The following HMGA2 variants were observed in gnomAD, a reference collection of about 807,000 sequenced individuals.
HMGA2 encodes high mobility group AT-hook 2, also known as high mobility group protein HMGI-C.
Under a neutral mutation model 19.1 loss-of-function variants are expected in HMGA2, and 8 were observed. That is an observed-to-expected ratio of 0.42 (90% CI 0.25 to 0.76). The LOEUF is 0.76. HMGA2 is among the 30% of genes least tolerant of loss of function. The pLI is 0.28. For synonymous variants in HMGA2, 60 were observed against 48.8 expected (o/e 1.23, Z -0.96); for missense variants, 109 against 136.3 (o/e 0.80, Z 1.00).
chr12:65,963,223 C>T (rs767097693), intron 4 of HMGA2, 22 bp from the exon 5 acceptor site: 2 of 1,612,654 alleles, frequency 1.2e-6, no homozygotes, highest in Admixed American at 1.7e-5. Flanking sequence ...AGCGTCATGG[C>T]TGTGCCCTTT....
intron 3 of HMGA2, chr12:65,881,733 T>G (rs1873404580): frequency 1.4e-6 from 1 of 702,794 alleles, no homozygotes; most frequent in Admixed American, 2.0e-5. Flanking sequence ...CCGCACACAT[T>G]CCCTCCCAGT....
chr12:65,900,978 T>C (rs1391105673), intron 3 of HMGA2, among the ~76,000 whole-genome samples: 2 of 152,248 alleles, frequency 1.3e-5, no homozygotes, highest in Non-Finnish European at 2.9e-5. Context: ...ACTTTACTAT[T>C]ATTTATGCTC....
chr12:65,826,143 T>A lies in HMGA2; in HGVS notation c.111+762T>A, dbSNP rs573740906. On this transcript the variant is annotated intron_variant, in intron 1 of 4. Coordinates refer to ENST00000403681, the MANE Select transcript of HMGA2 (RefSeq NM_003483.6). ...CAGGGTAGCCAGGGTCGCTTCCTTG[T>A]CAGGGGCCCGGTCCCCCTTTTGCCC... 2.6e-5 allele frequency: 4 copies of A among 152,470 alleles called. No individual in the cohort carries two copies. The East Asian group carries it at 7.8e-4, about 30-fold the overall frequency. 9.4% of individuals were successfully genotyped at this position (152,470 alleles called of 1,614,324 possible). A position where few individuals can be genotyped will look rare whatever the true frequency, so the allele number is the denominator to read the frequency against.
chr12:65,921,020 G>A (rs943076625), intron 3 of HMGA2, among the ~76,000 whole-genome samples: 2 of 152,198 alleles, frequency 1.3e-5, no homozygotes, highest in Non-Finnish European at 2.9e-5. Context: ...TAGTGATATG[G>A]ACAATAAAAT....
Position 65,829,495 on chromosome 12 carries a change from TA to T in HMGA2, c.198+1410del, listed in dbSNP as rs527359909. Among the ~76,000 whole-genome samples, 35 of 152,158 alleles carry T rather than the reference TA, an allele frequency of 2.3e-4. 1 individual carries two copies. In the Middle Eastern group the frequency reaches 0.01, roughly 44 times the overall value. The stretch of plus-strand genomic sequence containing the variant: ...TACCAAGGAGTTTTTCTATGTTGTG[TA>T]AGTGTGGAGTTTACCTAATTTACTT... On this transcript the variant is annotated intron_variant, in intron 2 of 4. Transcript: ENST00000403681.
At chr12:65,915,120 G>A (rs768102001) in intron 3 of HMGA2, 1 of 1,613,728 alleles carries the variant, frequency 6.2e-7, no homozygotes, top group South Asian at 1.1e-5. Context: ...AGTACCAAAA[G>A]GAGTCACTGA....
chr12:65,840,453 T>A (rs1870948273), intron 3 of HMGA2, among the ~76,000 whole-genome samples: 1 of 152,166 alleles, frequency 6.6e-6, no homozygotes, highest in Admixed American at 6.6e-5. Context: ...TGGGCGGATC[T>A]GGGAGTGCGT....
chr12:65,960,498 GTGAGAGC>G (rs1460321963), intron 4 of HMGA2, among the ~76,000 whole-genome samples: 1 of 152,184 alleles, frequency 6.6e-6, no homozygotes, highest in East Asian at 1.9e-4. Context: ...CACTGGGAAG[GTGAGAGC>G]TGAGGTTTGC....
At chr12:65,862,141 G>T (rs1344685294) in intron 3 of HMGA2, among the ~76,000 whole-genome samples, 2 of 152,018 alleles carry the variant, frequency 1.3e-5, no homozygotes, top group South Asian at 4.1e-4. Flanking sequence ...CACCACGCCT[G>T]GCTGTGCAAC....
At chr12:65,918,713 T>C (rs1263535686) in intron 3 of HMGA2, among the ~76,000 whole-genome samples, 1 of 152,060 alleles carries the variant, frequency 6.6e-6, no homozygotes, top group Admixed American at 6.6e-5. Flanking sequence ...GGCTGGAGAG[T>C]CTGAAAATAG....
chr12:65,839,398 G>A (rs544141978), intron 3 of HMGA2, among the ~76,000 whole-genome samples: 1 of 152,046 alleles, frequency 6.6e-6, no homozygotes, highest in Admixed American at 6.5e-5. Context: ...TATACCCAGT[G>A]TTGCATATGA....
chr12:65,898,769 G>T (rs1399068998), intron 3 of HMGA2, among the ~76,000 whole-genome samples: 1 of 152,222 alleles, frequency 6.6e-6, no homozygotes, highest in East Asian at 1.9e-4. Context: ...AGGAGGCCGG[G>T]CGCAGTGGCT....
intron 3 of HMGA2, among the ~76,000 whole-genome samples, chr12:65,905,015 C>T (rs1874527823): frequency 6.6e-6 from 1 of 151,806 alleles, no homozygotes; most frequent in African/African-American, 2.4e-5. Flanking sequence ...GCACTCCAGC[C>T]TGGACAACAG....
chr12:65,830,880 G>C (rs182415247), intron 2 of HMGA2: 2 of 151,958 alleles, frequency 1.3e-5, no homozygotes, highest in African/African-American at 4.8e-5. Context: ...TTTTGGAAGA[G>C]AAGATAATTA....
chr12:65,842,652 G>A, intron 3 of HMGA2: 1 of 1,533,782 alleles, frequency 6.5e-7, no homozygotes, highest in Non-Finnish European at 8.7e-7. Context: ...GGTGTCATGT[G>A]GTGTTCATCA....
chr12:65,963,646 A>T lies in HMGA2; in HGVS notation c.*354A>T, dbSNP rs1876820893. Reference sequence around the variant, plus strand: ...AGAGTGGGCGGGTGAGAAAAACCGAATTGGGTTTAGTCAATCACTGCACTG... The same window carrying T: ...AGAGTGGGCGGGTGAGAAAAACCGATTTGGGTTTAGTCAATCACTGCACTG... On this transcript the variant is annotated 3_prime_UTR_variant, in exon 5 of 5. Transcript: ENST00000403681. The T allele has an allele frequency of 1.7e-5, 7 of 404,472 alleles. No homozygotes were observed. Among genetic ancestry groups the T allele is most frequent in the Non-Finnish European group, 2.3e-5 (5 of 218,618 alleles). 25.1% of individuals were successfully genotyped at this position (404,472 alleles called of 1,614,324 possible). A position where few individuals can be genotyped will look rare whatever the true frequency, so the allele number is the denominator to read the frequency against.
intron 4 of HMGA2, chr12:65,952,542 T>G: frequency 4.9e-6 from 7 of 1,418,714 alleles, no homozygotes; most frequent in Non-Finnish European, 6.5e-6. Flanking sequence ...AAAAATCATT[T>G]TCATTGCTGC....
intron 3 of HMGA2, among the ~76,000 whole-genome samples, chr12:65,844,973 T>C (rs1164598892): frequency 6.6e-6 from 1 of 152,190 alleles, no homozygotes; most frequent in Non-Finnish European, 1.5e-5. Context: ...AAATGACAAA[T>C]GTAGAATCAG....
At chr12:65,870,497 G>A (rs538191671) in intron 3 of HMGA2, among the ~76,000 whole-genome samples, 8 of 151,996 alleles carry the variant, frequency 5.3e-5, no homozygotes, top group African/African-American at 9.7e-5. Context: ...TTGGGAGGCC[G>A]AGGCAGGCAG....
Sources: allele counts gnomAD v4.1 joint callset (sites outside exome capture counted in the v4.1 genomes callset), GRCh38; gene constraint gnomAD v4.1.1; transcripts MANE v1.5; gene names NCBI Gene and HGNC (gene_info 2026-07-23, HGNC 2026-07-21).